GRM7: variants seen among roughly 807,000 people sequenced by gnomAD.
GRM7 encodes the protein metabotropic glutamate receptor 7.
Under a neutral mutation model 84.5 loss-of-function variants are expected in GRM7, and 35 were observed. The observed-to-expected ratio is 0.41, with a 90% confidence interval of 0.32 to 0.55. GRM7 has a LOEUF of 0.55. Ranked by LOEUF, GRM7 falls within the 20% of genes least tolerant of loss-of-function variation. The pLI, the probability that GRM7 is intolerant of heterozygous loss-of-function variation, is 0.19. For synonymous variants in GRM7, 487 were observed against 455.1 expected, an observed-to-expected ratio of 1.07 and a Z score of -0.89; for missense variants, 1,003 against 1,194.6, an observed-to-expected ratio of 0.84 and a Z score of 2.36.
chr3:7,392,793 A>G (rs983802712), intron 4 of GRM7, among the ~76,000 whole-genome samples: 5 of 152,226 alleles, frequency 3.3e-5, no homozygotes, highest in Non-Finnish European at 7.3e-5. Flanking sequence ...TCAGAAAGGC[A>G]GGGTGCTACC....
In GRM7 at chr3:7,109,502, A is replaced by C. The variant is rs185186433; in HGVS notation, c.520-36950A>C. 8.7e-4 allele frequency among the ~76,000 whole-genome samples: 133 copies of C among 152,188 alleles called. 1 individual carries two copies. The highest frequency in any genetic ancestry group is 8.8e-5 in the Non-Finnish European group (6 of 68,006). On this transcript the variant is annotated intron_variant, in intron 1 of 9. Coordinates refer to ENST00000357716, the MANE Select transcript of GRM7 (RefSeq NM_000844.4). ...ACCCTTTGCTATTTTGTGCTAAGAC[A>C]TGTGATACCTGCAGGAAAAGTAATC...
At chr3:7,672,369 C>G (rs1699951713) in intron 8 of GRM7, among the ~76,000 whole-genome samples, 1 of 152,176 alleles carries the variant, frequency 6.6e-6, no homozygotes, top group Non-Finnish European at 1.5e-5. Context: ...TTTCAAACAT[C>G]TGTCAGATAA....
At chr3:7,326,851 T>A (rs1271702844) in intron 4 of GRM7, among the ~76,000 whole-genome samples, 1 of 149,890 alleles carries the variant, frequency 6.7e-6, no homozygotes, top group Non-Finnish European at 1.5e-5. Context: ...AAAAAAAAAG[T>A]TTATCCCAAT....
At chr3:7,240,300 G>T (rs1335552192) in intron 2 of GRM7, among the ~76,000 whole-genome samples, 4 of 151,472 alleles carry the variant, frequency 2.6e-5, no homozygotes, top group African/African-American at 9.7e-5. Context: ...GCATGGACTT[G>T]TGATAGTGAG....
chr3:7,003,429 A>G (rs1351012408), intron 1 of GRM7, among the ~76,000 whole-genome samples: 1 of 152,190 alleles, frequency 6.6e-6, no homozygotes, highest in Non-Finnish European at 1.5e-5. Context: ...AAAAGTTTTA[A>G]TGCTCTATAA....
At chr3:7,606,363 G>A (rs1696570684) in intron 8 of GRM7, among the ~76,000 whole-genome samples, 1 of 152,012 alleles carries the variant, frequency 6.6e-6, no homozygotes, top group African/African-American at 2.4e-5. Flanking sequence ...AAGCCTTATG[G>A]TTTTTTATAC....
At chr3:7,622,564 T>C (rs1021382729) in intron 8 of GRM7, among the ~76,000 whole-genome samples, 4 of 151,956 alleles carry the variant, frequency 2.6e-5, no homozygotes, top group African/African-American at 9.7e-5. Context: ...GCGAGAGGCA[T>C]GTGACACTGT....
At chr3:7,154,000 G>A (rs1313626695) in intron 2 of GRM7, among the ~76,000 whole-genome samples, 2 of 152,172 alleles carry the variant, frequency 1.3e-5, no homozygotes, top group Non-Finnish European at 2.9e-5. Context: ...TGACATACTA[G>A]GAAGAGAGAA....
At chr3:7,655,668 AC>A (rs1246133499) in intron 8 of GRM7, among the ~76,000 whole-genome samples, 1 of 152,086 alleles carries the variant, frequency 6.6e-6, no homozygotes, top group Non-Finnish European at 1.5e-5. Flanking sequence ...CTCCCTTACT[AC>A]CACCTTCACA....
intron 1 of GRM7, among the ~76,000 whole-genome samples, chr3:6,948,503 G>C (rs1183816302): frequency 6.6e-6 from 1 of 152,124 alleles, no homozygotes; most frequent in Non-Finnish European, 1.5e-5. Flanking sequence ...AATAGGTGTG[G>C]TGTGGTTCTG....
chr3:6,911,999 T>G (rs527870011), intron 1 of GRM7, among the ~76,000 whole-genome samples: 8 of 152,290 alleles, frequency 5.3e-5, no homozygotes, highest in African/African-American at 1.9e-4. Context: ...TACACTTGGT[T>G]ACTAAATAAG....
At chr3:7,726,217 G>C (rs1702120433) in intron 9 of GRM7, among the ~76,000 whole-genome samples, 1 of 151,960 alleles carries the variant, frequency 6.6e-6, no homozygotes, top group Admixed American at 6.6e-5. Flanking sequence ...CCTCTTCAGA[G>C]ACTATTTTGC....
intron 2 of GRM7, among the ~76,000 whole-genome samples, chr3:7,216,991 A>T (rs1432970002): frequency 1.3e-5 from 2 of 151,988 alleles, no homozygotes; most frequent in Admixed American, 1.3e-4. Context: ...CACATCATTT[A>T]GTTTTTTTCA....
At chr3:6,877,522 C>G (rs1024471443) in intron 1 of GRM7, among the ~76,000 whole-genome samples, 1 of 152,156 alleles carries the variant, frequency 6.6e-6, no homozygotes, top group Non-Finnish European at 1.5e-5. Context: ...CAAGCAAGGG[C>G]CTTCTCATCT....
chr3:7,695,454 A>G (rs973355058), intron 9 of GRM7, among the ~76,000 whole-genome samples: 2 of 152,184 alleles, frequency 1.3e-5, no homozygotes, highest in African/African-American at 4.8e-5. Flanking sequence ...TGAAGTCCTC[A>G]AAGAGATTAT....
intron 8 of GRM7, among the ~76,000 whole-genome samples, chr3:7,645,320 G>T (rs553169733): frequency 6.6e-6 from 1 of 151,790 alleles, no homozygotes; most frequent in African/African-American, 2.4e-5. Context: ...AGGCCAAGGC[G>T]GGCAGACCAC....
intron 7 of GRM7, among the ~76,000 whole-genome samples, chr3:7,555,357 AC>A (rs1330320781): frequency 6.6e-6 from 1 of 152,166 alleles, no homozygotes; most frequent in Non-Finnish European, 1.5e-5. Flanking sequence ...GTAAAATTTC[AC>A]CTGATCCTTT....
At chr3:7,157,714 A>AT (rs57023783) in intron 2 of GRM7, among the ~76,000 whole-genome samples, 183 of 146,924 alleles carry the variant, frequency 1.2e-3, no homozygotes, top group Admixed American at 3.1e-3. Flanking sequence ...ATGCTATTTC[A>AT]TTTTTTTTTT....
At chr3:7,491,221 G>A (rs1245425237) in intron 7 of GRM7, among the ~76,000 whole-genome samples, 2 of 151,822 alleles carry the variant, frequency 1.3e-5, no homozygotes, top group Non-Finnish European at 2.9e-5. Flanking sequence ...TGTATCAAAT[G>A]AGCAAAAATT....
Sources: gnomAD v4.1 joint callset for allele counts (sites outside exome capture counted in the v4.1 genomes callset) on GRCh38, gnomAD v4.1.1 for gene constraint, MANE v1.5 for transcripts, NCBI Gene and HGNC (gene_info 2026-07-23, HGNC 2026-07-21) for gene names.